COL6A6: variants seen among roughly 807,000 people sequenced by gnomAD.
COL6A6 encodes collagen type VI alpha 6 chain, also known as collagen alpha-6(VI) chain.
In COL6A6, 183 loss-of-function variants were observed where a neutral mutation model predicts 208.6. The observed-to-expected ratio is 0.88, with a 90% CI of 0.78 to 0.99. COL6A6 has a LOEUF of 0.99. Ranked by LOEUF, COL6A6 falls within the 50% of genes least tolerant of loss-of-function variation. COL6A6 has a pLI of 0.00. For missense variants in COL6A6, 2,816 were observed against 2,815.2 expected (o/e 1.00, Z -0.01); for synonymous variants, 973 against 1,011.8 (o/e 0.96, Z 0.73).
chr3:130,601,479 T>C (rs2064018210), intron 20 of COL6A6, among the ~76,000 whole-genome samples: 1 of 152,226 alleles, frequency 6.6e-6, no homozygotes, highest in Non-Finnish European at 1.5e-5. Flanking sequence ...TGCTATTCAT[T>C]TCACTTTCTA....
intron 1 of COL6A6, among the ~76,000 whole-genome samples, chr3:130,545,129 T>C (rs555232864): frequency 6.6e-6 from 1 of 152,350 alleles, no homozygotes; most frequent in South Asian, 2.1e-4. Flanking sequence ...CTCCTATCTT[T>C]TCTTCTAGGA....
Position 130,574,308 on chromosome 3 carries a change from A to G in COL6A6, c.3330A>G (p.Thr1110=). The change falls in exon 8 of 37, where the codon ACA becomes ACG. Residue 1110 remains threonine (T), a synonymous_variant. Transcript: ENST00000358511. ...TGTPQVLLVL[T]DGQSQDEVAQ... is the part of the protein sequence containing the mutation. ...CCCCACAGGTGCTGCTGGTCCTTAC[A>G]GATGGCCAGTCCCAAGACGAGGTGG... 6 of 1,614,064 alleles carry G rather than the reference A, an allele frequency of 3.7e-6. 1 individual carries two copies. Among genetic ancestry groups the G allele is most frequent in the Middle Eastern group, 1.6e-4 (1 of 6,062 alleles).
intron 36 of COL6A6, among the ~76,000 whole-genome samples, chr3:130,673,347 A>G (rs971746901): frequency 6.6e-6 from 1 of 152,098 alleles, no homozygotes; most frequent in Non-Finnish European, 1.5e-5. Context: ...AAATATAGCA[A>G]TATCATGCTA....
chr3:130,552,211 A>T (rs181275398), intron 1 of COL6A6, among the ~76,000 whole-genome samples: 1 of 152,220 alleles, frequency 6.6e-6, no homozygotes, highest in East Asian at 1.9e-4. Flanking sequence ...TGCTTCAATG[A>T]TCTGTCTAAT....
At chr3:130,650,450 G>A (rs942592315) in intron 33 of COL6A6, among the ~76,000 whole-genome samples, 15 of 152,030 alleles carry the variant, frequency 9.9e-5, no homozygotes, top group Admixed American at 3.3e-4. Context: ...GTGAAACCCC[G>A]TCTCTACTAA....
chr3:130,568,735 T>G, intron 6 of COL6A6, 131 bp downstream of exon 6: 1 of 889,892 alleles, frequency 1.1e-6, no homozygotes, highest in Non-Finnish European at 1.7e-6. Flanking sequence ...TCCTAGTGGC[T>G]TTGACCTGTT....
intron 23 of COL6A6, among the ~76,000 whole-genome samples, chr3:130,619,734 C>T (rs568580841): frequency 6.6e-6 from 1 of 152,166 alleles, no homozygotes; most frequent in Admixed American, 6.5e-5. Context: ...ACAGATTCTA[C>T]TGTGGGCCTT....
chr3:130,526,049 C>T (rs138412696), intron 1 of COL6A6, among the ~76,000 whole-genome samples: 97 of 151,866 alleles, frequency 6.4e-4, no homozygotes, highest in African/African-American at 2.3e-3. Context: ...AGACAAAGTC[C>T]CTGCTCCAAG....
At chr3:130,549,774 C>T (rs1464673596) in intron 1 of COL6A6, among the ~76,000 whole-genome samples, 1 of 152,118 alleles carries the variant, frequency 6.6e-6, no homozygotes, top group Admixed American at 6.6e-5. Flanking sequence ...GAGTACCATG[C>T]TGTTTTGGTT....
At chr3:130,534,901 G>A (rs182506726) in intron 1 of COL6A6, among the ~76,000 whole-genome samples, 75 of 152,084 alleles carry the variant, frequency 4.9e-4, no homozygotes, top group African/African-American at 1.8e-3. Context: ...ATTATAATGA[G>A]TATTGGGTTT....
chr3:130,623,319 G>A (rs1237544577), intron 24 of COL6A6, among the ~76,000 whole-genome samples: 3 of 152,102 alleles, frequency 2.0e-5, no homozygotes, highest in Admixed American at 1.3e-4. Context: ...TTAGCCAGGT[G>A]TGGTGGCACA....
In COL6A6 at chr3:130,568,235, A is replaced by C. The variant is rs772947322; in HGVS notation, c.2032A>C (p.Arg678=). Residue 678 remains arginine, a synonymous_variant, in exon 6 of 37, where the codon AGA becomes CGA. Transcript: ENST00000358511. ...CAATAAGGAAGAGTTTCAGCTCAAC[A>C]GATTCATGTCCCAAAGCGACATTTC... ...DINKEEFQLN[R]FMSQSDISNA... 3.7e-5 allele frequency: 59 copies of C among 1,613,926 alleles called. No homozygotes were observed. The highest frequency in any genetic ancestry group is 5.0e-5 in the Non-Finnish European group (59 of 1,179,906).
intron 31 of COL6A6, 148 bp from the exon 32 acceptor site, chr3:130,644,841 ACT>A (rs1299002931): frequency 4.2e-6 from 3 of 721,896 alleles, no homozygotes; most frequent in African/African-American, 3.5e-5. Flanking sequence ...AAGATGTTAG[ACT>A]CTGTCTGCAT....
chr3:130,671,259 C>A (rs752488351), intron 36 of COL6A6, among the ~76,000 whole-genome samples: 5 of 152,120 alleles, frequency 3.3e-5, no homozygotes, highest in African/African-American at 1.2e-4. Context: ...CATGTGGGAG[C>A]CAACCTATGC....
intron 27 of COL6A6, 28 bp downstream of exon 27, chr3:130,634,653 A>T (rs377582176): frequency 3.8e-6 from 6 of 1,571,128 alleles, no homozygotes; most frequent in Non-Finnish European, 5.2e-6. Context: ...GTAACTAGAG[A>T]TCAGTCAGAA....
intron 32 of COL6A6, among the ~76,000 whole-genome samples, chr3:130,647,470 T>G (rs1252720893): frequency 6.6e-6 from 1 of 152,214 alleles, no homozygotes; most frequent in African/African-American, 2.4e-5. Context: ...ACGATAAAAG[T>G]GACACGTCCA....
chr3:130,570,880 TATG>T lies in COL6A6; in HGVS notation c.2469_2471del (p.Asp823del), dbSNP rs765361951. On this transcript the variant is annotated inframe_deletion, in exon 7 of 37. Coordinates refer to ENST00000358511, the MANE Select transcript of COL6A6 (RefSeq NM_001102608.3). ...CATTGATAGCTCTGGCAGTATTGAC[TATG>T]ATGAGTATAATATCATGAAGGATTT... The T allele has an allele frequency of 6.2e-7, 1 of 1,614,026 alleles. No individual in the cohort carries two copies. The highest frequency in any genetic ancestry group is 8.5e-7 in the Non-Finnish European group (1 of 1,179,882).
rs2063035618 is a variant in COL6A6 at position 130,566,798 on chromosome 3, CAG to C, written c.1382_1383del (p.Glu461GlyfsTer11). On this transcript the variant is annotated frameshift_variant, in exon 5 of 37. Coordinates refer to ENST00000358511, the MANE Select transcript of COL6A6 (RefSeq NM_001102608.3). LOFTEE classifies it high-confidence loss of function. ...TTCCATGAAATGAAGACGTTCCTGT[CAG>C]AGGTGGTAGGGATGTTCAACATTGC... 6.2e-7 allele frequency: 1 copy of C among 1,613,960 alleles called. No homozygotes were observed. The highest frequency in any genetic ancestry group is 8.5e-7 in the Non-Finnish European group (1 of 1,179,880).
rs28427435 is a variant in COL6A6, at chr3:130,531,045, C to G, written c.-32+13648C>G. ...ACACACACACACACACACAGACACA[C>G]ACACACACACACACAGTCTCTCTCT... On this transcript the variant is annotated intron_variant, in intron 1 of 36. Transcript: ENST00000358511. Among the ~76,000 whole-genome samples the G allele has an allele frequency of 6.3e-3, 130 of 20,718 alleles. 2 individuals are homozygous for G. Among genetic ancestry groups the G allele is most frequent in the South Asian group, 0.011 (6 of 540 alleles). The allele number at this position is 20,718 out of a possible 152,430, so 13.6% of individuals were successfully genotyped here. A position where few individuals can be genotyped will look rare whatever the true frequency, so the allele number is the denominator to read the frequency against.
Sources: gnomAD v4.1 joint callset for allele counts (sites outside exome capture counted in the v4.1 genomes callset) on GRCh38, gnomAD v4.1.1 for gene constraint, MANE v1.5 for transcripts, NCBI Gene and HGNC (gene_info 2026-07-23, HGNC 2026-07-21) for gene names.